The following RASEF variants were observed in gnomAD, a reference collection of about 807,000 sequenced individuals.
RASEF encodes ras and EF-hand domain-containing protein.
A neutral mutation model predicts 90.1 loss-of-function variants in RASEF; 68 were observed. That is an observed-to-expected ratio of 0.75 (90% CI 0.62 to 0.92). The LOEUF (loss-of-function observed/expected upper bound fraction) is 0.92, where lower values mean the gene tolerates loss of function less well. Ranked by LOEUF, RASEF falls within the 40% of genes least tolerant of loss-of-function variation. The probability of loss-of-function intolerance (pLI) is 0.00; values close to 1 mark genes in which losing one functional copy is unlikely to be tolerated. For missense variants in RASEF, 949 were observed against 937.2 expected, an observed-to-expected ratio of 1.01 and a Z score of -0.16; for synonymous variants, 331 against 345.2, an observed-to-expected ratio of 0.96 and a Z score of 0.46.
At chr9:83,162,664 G>A in the RASEF span, among the ~76,000 whole-genome samples, 1 of 152,208 alleles carries the variant, frequency 6.6e-6, no homozygotes, top group Non-Finnish European at 1.5e-5. Context: ...TATGAGAGGT[G>A]AGGACACAGG....
At chr9:83,211,919 A>T in the RASEF span, among the ~76,000 whole-genome samples, 1 of 152,228 alleles carries the variant, frequency 6.6e-6, no homozygotes, top group Non-Finnish European at 1.5e-5. Flanking sequence ...TAACAGCATG[A>T]AGACCCATTG....
the RASEF span, among the ~76,000 whole-genome samples, chr9:83,196,977 A>G: frequency 2.0e-5 from 3 of 152,250 alleles, no homozygotes; most frequent in East Asian, 1.9e-4. Flanking sequence ...CTAAACAGAA[A>G]GAAAGAGCTC....
At chr9:83,021,849 TG>T (rs1433800745) in intron 3 of RASEF, among the ~76,000 whole-genome samples, 1 of 152,200 alleles carries the variant, frequency 6.6e-6, no homozygotes, top group African/African-American at 2.4e-5. Flanking sequence ...CCAATCCCCT[TG>T]GGTACCAAGT....
At chr9:83,003,861 TTAAC>T (rs1290286496) in intron 9 of RASEF, among the ~76,000 whole-genome samples, 3 of 152,168 alleles carry the variant, frequency 2.0e-5, no homozygotes, top group Non-Finnish European at 4.4e-5. Flanking sequence ...TATTACTAAA[TTAAC>T]TAGCAACACT....
At chr9:83,089,726 G>A in the RASEF span, among the ~76,000 whole-genome samples, 1 of 152,094 alleles carries the variant, frequency 6.6e-6, no homozygotes, top group Non-Finnish European at 1.5e-5. Context: ...ATCAAGAGTT[G>A]ATTGCAATTT....
chr9:83,069,515 A>G, the RASEF span, among the ~76,000 whole-genome samples: 1 of 152,230 alleles, frequency 6.6e-6, no homozygotes, highest in Non-Finnish European at 1.5e-5. Flanking sequence ...CTAGTAATGA[A>G]TAGGATCACA....
the RASEF span, among the ~76,000 whole-genome samples, chr9:83,132,727 C>A: frequency 6.6e-6 from 1 of 152,160 alleles, no homozygotes; most frequent in South Asian, 2.1e-4. Flanking sequence ...CCCCAAGCAA[C>A]TATTTCTATA....
chr9:83,192,811 G>A, the RASEF span, among the ~76,000 whole-genome samples: 5 of 150,938 alleles, frequency 3.3e-5, no homozygotes, highest in Admixed American at 6.6e-5. Flanking sequence ...CATCACAAGC[G>A]AGGAAAGCTA....
At chr9:83,062,284 T>C (rs1243786785) in intron 1 of RASEF, among the ~76,000 whole-genome samples, 153 bp downstream of exon 1, 3 of 151,712 alleles carry the variant, frequency 2.0e-5, no homozygotes, top group Non-Finnish European at 4.4e-5. Flanking sequence ...CTAGCGGATC[T>C]TGGAAAAGTC....
intron 15 of RASEF, among the ~76,000 whole-genome samples, chr9:82,992,610 G>A (rs1436293184): frequency 6.6e-6 from 1 of 152,152 alleles, no homozygotes; most frequent in Non-Finnish European, 1.5e-5. Flanking sequence ...AAGGTTTCTA[G>A]GAACTAGGTG....
intron 16 of RASEF, among the ~76,000 whole-genome samples, chr9:82,986,424 G>T (rs1438661178): frequency 6.6e-6 from 1 of 152,162 alleles, no homozygotes; most frequent in East Asian, 1.9e-4. Context: ...ATCCCTTGAT[G>T]TCTCTATTGA....
At chr9:83,184,191 T>C in the RASEF span, among the ~76,000 whole-genome samples, 1 of 152,102 alleles carries the variant, frequency 6.6e-6, no homozygotes, top group African/African-American at 2.4e-5. Flanking sequence ...AGGTAGGGCT[T>C]GGGAGGGACA....
chr9:83,189,524 G>A, the RASEF span, among the ~76,000 whole-genome samples: 1 of 152,122 alleles, frequency 6.6e-6, no homozygotes, highest in Admixed American at 6.5e-5. Context: ...ACAGAACTGG[G>A]TCTCCACTGG....
chr9:83,070,894 A>G, the RASEF span, among the ~76,000 whole-genome samples: 5 of 152,218 alleles, frequency 3.3e-5, no homozygotes, highest in Non-Finnish European at 5.9e-5. Context: ...TGTAGAAGAC[A>G]TAACACTTTA....
chr9:83,095,520 G>A, the RASEF span, among the ~76,000 whole-genome samples: 1 of 149,606 alleles, frequency 6.7e-6, no homozygotes, highest in Non-Finnish European at 1.5e-5. Flanking sequence ...GAAGAAAATG[G>A]ATTTCCTATA....
intron 1 of RASEF, among the ~76,000 whole-genome samples, chr9:83,031,851 G>A (rs953326146): frequency 6.6e-6 from 1 of 152,232 alleles, no homozygotes; most frequent in African/African-American, 2.4e-5. Context: ...AGTGGGCACA[G>A]TCCCACCTTC....
chr9:83,173,809 C>T, the RASEF span, among the ~76,000 whole-genome samples: 1 of 151,746 alleles, frequency 6.6e-6, no homozygotes, highest in Non-Finnish European at 1.5e-5. Context: ...GACTTTTGTC[C>T]ATTTCTGGCA....
At chr9:83,001,198 C>T in intron 9 of RASEF, 68 bp from the exon 10 acceptor site, 1 of 1,107,924 alleles carries the variant, frequency 9.0e-7, no homozygotes, top group South Asian at 1.4e-5. Context: ...AGGCAATAGA[C>T]CACATGCCAT....
At chr9:83,103,622 A>G in the RASEF span, among the ~76,000 whole-genome samples, 2 of 152,182 alleles carry the variant, frequency 1.3e-5, no homozygotes, top group Non-Finnish European at 2.9e-5. Flanking sequence ...TTCTTAATGC[A>G]GGGTGAAAGA....
Sources: gnomAD v4.1 joint callset for allele counts (sites outside exome capture counted in the v4.1 genomes callset) on GRCh38, gnomAD v4.1.1 for gene constraint, MANE v1.5 for transcripts, NCBI Gene and HGNC (gene_info 2026-07-23, HGNC 2026-07-21) for gene names.